The following SNUPN variants were observed in gnomAD, a reference collection of about 807,000 sequenced individuals.
SNUPN encodes the protein snurportin 1.
A neutral mutation model predicts 39.2 loss-of-function variants in SNUPN; 31 were observed. The ratio of observed to expected loss-of-function variants is 0.79; its 90% CI spans 0.59 to 1.07. SNUPN has a LOEUF of 1.07. Ranked by LOEUF, SNUPN falls within the 50% of genes least tolerant of loss-of-function variation. The pLI is 0.00. For synonymous variants in SNUPN, 132 were observed against 159.0 expected (o/e 0.83, Z 1.28); for missense variants, 382 against 434.2 (o/e 0.88, Z 1.07).
chr15:75,602,566 T>C (rs1381228592), intron 7 of SNUPN, among the ~76,000 whole-genome samples: 3 of 151,280 alleles, frequency 2.0e-5, no homozygotes, highest in Non-Finnish European at 2.9e-5. Flanking sequence ...CAGGCCCTAC[T>C]CTGAGATTCT....
At chr15:75,608,529 G>A (rs988909926) in intron 5 of SNUPN, among the ~76,000 whole-genome samples, 6 of 152,180 alleles carry the variant, frequency 3.9e-5, no homozygotes, top group African/African-American at 1.4e-4. Context: ...CACGACCTTA[G>A]TCTACTCAGC....
At chr15:75,604,980 G>A (rs573598158) in intron 7 of SNUPN, among the ~76,000 whole-genome samples, 170 bp downstream of exon 7, 2 of 152,182 alleles carry the variant, frequency 1.3e-5, no homozygotes, top group East Asian at 1.9e-4. Context: ...TGTTAAATTA[G>A]TAATAATAAA....
At chr15:75,605,305 A>ATTT (rs372246427) in intron 6 of SNUPN, 78 bp from the exon 7 acceptor site, 135 of 540,766 alleles carry the variant, frequency 2.5e-4, no homozygotes, top group East Asian at 3.3e-4. Context: ...ACCCCATGCT[A>ATTT]TTTTTTTTTT....
At chr15:75,622,250 A>T (rs1200767856) in intron 1 of SNUPN, 11 of 612,678 alleles carry the variant, frequency 1.8e-5, no homozygotes, top group Non-Finnish European at 2.2e-5. Flanking sequence ...TTATTTTTTA[A>T]AAAATCTGAT....
At chr15:75,619,812 G>A (rs932349611) in intron 2 of SNUPN, among the ~76,000 whole-genome samples, 1 of 152,028 alleles carries the variant, frequency 6.6e-6, no homozygotes, top group Non-Finnish European at 1.5e-5. Flanking sequence ...GCAATGGCGC[G>A]ATTTCGGCTC....
chr15:75,619,241 A>C (rs1442372296), intron 2 of SNUPN, among the ~76,000 whole-genome samples: 1 of 151,624 alleles, frequency 6.6e-6, no homozygotes, highest in Non-Finnish European at 1.5e-5. Flanking sequence ...CTGAGGTTGC[A>C]GTGAGCCAAG....
Position 75,620,930 on chromosome 15 carries a change from C to G in SNUPN, c.122G>C (p.Ser41Thr). 13 of 1,613,998 alleles carry G rather than the reference C, an allele frequency of 8.1e-6. No individual in the cohort carries two copies. Among genetic ancestry groups the G allele is most frequent in the Non-Finnish European group, 1.1e-5 (13 of 1,179,982 alleles). Residue 41 changes from serine (S) to threonine (T), a missense_variant, in exon 2 of 9, where the codon AGT (serine) becomes ACT (threonine). Transcript: ENST00000308588. ...TTCCAGTAACCTCCGGCGGCGCTCA[C>G]TCTGCTCCAAGGAACTGTACTTGGA... is the stretch of plus-strand genomic sequence containing the variant. ...YKSKYSSLEQ[S>T]ERRRRLLELQ...
In SNUPN at chr15:75,609,853, C is replaced by G. The variant is rs778624383; in HGVS notation, c.408+37G>C. 4.0e-6 allele frequency: 6 copies of G among 1,496,094 alleles called. No individual in the cohort carries two copies. The Admixed American group carries it at 6.7e-5, about 17-fold the overall frequency. 92.7% of individuals were successfully genotyped at this position (1,496,094 alleles called of 1,614,324 possible). A position where few individuals can be genotyped will look rare whatever the true frequency, so the allele number is the denominator to read the frequency against. On this transcript the variant is annotated intron_variant, in intron 4 of 8. Transcript: ENST00000308588. ...CACAAAGAATCCCTCCCACTACAGA[C>G]CAGGCCTACTGGCATAGGGGGCAGG...
intron 3 of SNUPN, among the ~76,000 whole-genome samples, chr15:75,616,387 G>A (rs1300430018): frequency 6.6e-6 from 1 of 151,990 alleles, no homozygotes; most frequent in Non-Finnish European, 1.5e-5. Flanking sequence ...GAACCCGGGA[G>A]GCAGAGGTTG....
Position 75,612,769 on chromosome 15 carries a change from G to A in SNUPN, c.304-2775C>T, listed in dbSNP as rs554328029. Among the ~76,000 whole-genome samples, 29 of 151,988 alleles carry A rather than the reference G, an allele frequency of 1.9e-4. No individual in the cohort carries two copies. The South Asian group carries it at 5.0e-3, about 26-fold the overall frequency. On this transcript the variant is annotated intron_variant, in intron 3 of 8. Coordinates refer to ENST00000308588, the MANE Select transcript of SNUPN (RefSeq NM_005701.4). ...TGAAACACCTACCCTTCCCTTCTGC[G>A]TCTCATAACCTTGTTAATGGCATCA...
chr15:75,612,559 T>C (rs1054385518), intron 3 of SNUPN, among the ~76,000 whole-genome samples: 1 of 152,094 alleles, frequency 6.6e-6, no homozygotes, highest in Non-Finnish European at 1.5e-5. Context: ...GTGGATCTCA[T>C]CTATTTCTAT....
intron 2 of SNUPN, among the ~76,000 whole-genome samples, chr15:75,618,674 C>T (rs951079296): frequency 2.0e-5 from 3 of 152,158 alleles, no homozygotes; most frequent in African/African-American, 7.2e-5. Context: ...CTCTTAAACA[C>T]ATACATGTTC....
intron 3 of SNUPN, among the ~76,000 whole-genome samples, chr15:75,612,798 C>T (rs1023714330): frequency 2.0e-5 from 3 of 152,070 alleles, no homozygotes; most frequent in African/African-American, 7.2e-5. Context: ...GGCATCACCA[C>T]TCCGTTACTG....
At chr15:75,610,782 AAAC>A (rs1892758266) in intron 3 of SNUPN, among the ~76,000 whole-genome samples, 1 of 152,190 alleles carries the variant, frequency 6.6e-6, no homozygotes, top group Admixed American at 6.5e-5. Context: ...TTAAAAAACG[AAAC>A]AACGCCAAAC....
intron 3 of SNUPN, among the ~76,000 whole-genome samples, chr15:75,613,258 C>CA (rs905447706): frequency 0.018 from 716 of 40,044 alleles, 20 homozygotes; most frequent in African/African-American, 0.041. Flanking sequence ...GACTCCATCT[C>CA]AAAAAAAAAA....
chr15:75,600,222 G>A (rs2075274759), intron 8 of SNUPN, among the ~76,000 whole-genome samples: 1 of 151,990 alleles, frequency 6.6e-6, no homozygotes, highest in African/African-American at 2.4e-5. Flanking sequence ...TGCAGGTTCT[G>A]AGGCTGACAA....
intron 3 of SNUPN, among the ~76,000 whole-genome samples, chr15:75,612,429 T>C (rs1595985888): frequency 6.6e-6 from 1 of 152,174 alleles, no homozygotes; most frequent in African/African-American, 2.4e-5. Flanking sequence ...CTTGGCACCA[T>C]GACATAGCAC....
intron 3 of SNUPN, among the ~76,000 whole-genome samples, chr15:75,616,493 G>C (rs140821082): frequency 5.9e-5 from 9 of 152,180 alleles, no homozygotes; most frequent in Non-Finnish European, 1.2e-4. Context: ...GTCTCACTAT[G>C]TTAGCCAGGT....
chr15:75,625,994 G>A (rs1206310476), upstream of SNUPN: 2 of 152,386 alleles, frequency 1.3e-5, no homozygotes, highest in African/African-American at 4.8e-5. Context: ...AAGCTCTTCG[G>A]GGCTCCTTTC....
Sources: gnomAD v4.1 joint callset for allele counts (sites outside exome capture counted in the v4.1 genomes callset) on GRCh38, gnomAD v4.1.1 for gene constraint, MANE v1.5 for transcripts, NCBI Gene and HGNC (gene_info 2026-07-23, HGNC 2026-07-21) for gene names.